Variants in GGNBP2 observed in about 807,000 individuals in gnomAD.
The protein encoded by GGNBP2 is gametogenetin-binding protein 2.
A neutral mutation model predicts 85.9 loss-of-function variants in GGNBP2; 10 were observed. The ratio of observed to expected loss-of-function variants is 0.12; its 90% CI spans 0.07 to 0.20. The LOEUF is 0.20. Ranked by LOEUF, GGNBP2 falls within the 10% of genes least tolerant of loss-of-function variation. GGNBP2 has a pLI of 1.00. For missense variants in GGNBP2, 595 were observed against 857.8 expected, an observed-to-expected ratio of 0.69 and a Z score of 3.83; for synonymous variants, 287 against 285.7, an observed-to-expected ratio of 1.00 and a Z score of -0.05.
intron 12 of GGNBP2, chr17:36,586,546 TA>T: frequency 3.5e-6 from 1 of 286,584 alleles, no homozygotes; most frequent in Non-Finnish European, 6.6e-6. Context: ...GTCTAGTACA[TA>T]GTAAGTGCCT....
chr17:36,577,070 C>T (rs1290437793), intron 6 of GGNBP2: 2 of 152,150 alleles, frequency 1.3e-5, no homozygotes, highest in Non-Finnish European at 1.5e-5. Flanking sequence ...TAGATGAGCT[C>T]ATCTGGGAGA....
chr17:36,581,043 G>A (rs1029134328), intron 8 of GGNBP2, among the ~76,000 whole-genome samples: 3 of 152,306 alleles, frequency 2.0e-5, no homozygotes, highest in South Asian at 2.1e-4. Flanking sequence ...CCAGCACTTC[G>A]GGAGGCTGAG....
At position 36,554,881 on chromosome 17, in the gene GGNBP2, A is replaced by G; in HGVS notation, c.155A>G (p.Gln52Arg). 6.2e-7 allele frequency: 1 copy of G among 1,601,926 alleles called. No homozygotes were observed. Among genetic ancestry groups the G allele is most frequent in the South Asian group, 1.1e-5 (1 of 90,824 alleles). ...NLDGHQNNGAQLKQFIQRHGM... is the reference protein window; with the variant it reads ...NLDGHQNNGARLKQFIQRHGM... ...GATGGACATCAGAATAATGGTGCAC[A>G]GCTAAAGCAGTTCATTCAGGTAATA... Residue 52 changes from glutamine to arginine, a missense_variant, in exon 3 of 14, where the codon CAG (glutamine) becomes CGG (arginine). By Grantham distance (43) the Gln-to-Arg change is conservative. Coordinates refer to ENST00000613102, the MANE Select transcript of GGNBP2 (RefSeq NM_024835.5).
chr17:36,567,926 AGTTCCTTTTTTTTTTTTTGAGAT>A (rs938181505), intron 6 of GGNBP2, 150 bp downstream of exon 6: 1 of 461,264 alleles, frequency 2.2e-6, no homozygotes, highest in Admixed American at 4.2e-5. Context: ...TAGAGTAGGC[AGTTCCTTTTTTTTTTTTTGAGAT>A]GGAGTCTAGC....
Position 36,586,998 on chromosome 17 carries a change from T to C in GGNBP2, c.1643T>C (p.Ile548Thr), listed in dbSNP as rs2074708521. 1 of 1,612,098 alleles carries C rather than the reference T, an allele frequency of 6.2e-7. No individual in the cohort carries two copies. Among genetic ancestry groups the C allele is most frequent in the East Asian group, 2.2e-5 (1 of 44,748 alleles). Residue 548 changes from isoleucine (I) to threonine (T), a missense_variant and splice_region_variant, in exon 13 of 14, where the codon ATC becomes ACC. Coordinates refer to ENST00000613102, the MANE Select transcript of GGNBP2 (RefSeq NM_024835.5). Reference protein sequence around the residue: ...KSKILKCDEHIQKLGSCITDP... With the variant: ...KSKILKCDEHTQKLGSCITDP... ...TGAAATCCTTTGCTGTGGTATCAGA[T>C]CCAGAAGCTTGGAAGCTGTATTACA...
chr17:36,570,455 T>A (rs2074511874), intron 6 of GGNBP2, among the ~76,000 whole-genome samples: 1 of 152,214 alleles, frequency 6.6e-6, no homozygotes, highest in South Asian at 2.1e-4. Context: ...ATCCCAGCAC[T>A]TTGGGAGGCC....
chr17:36,568,148 T>A (rs1001537101), intron 6 of GGNBP2, among the ~76,000 whole-genome samples: 1 of 152,158 alleles, frequency 6.6e-6, no homozygotes, highest in Non-Finnish European at 1.5e-5. Context: ...ATGGTTTAGA[T>A]CTGCTGACCT....
intron 2 of GGNBP2, among the ~76,000 whole-genome samples, chr17:36,552,747 G>A (rs971301869): frequency 2.6e-5 from 4 of 152,146 alleles, no homozygotes; most frequent in Admixed American, 1.3e-4. Flanking sequence ...TGGGTCAGGC[G>A]TGGTGACTCA....
intron 3 of GGNBP2, among the ~76,000 whole-genome samples, chr17:36,555,408 T>G (rs1363632494): frequency 1.3e-5 from 2 of 152,154 alleles, no homozygotes; most frequent in African/African-American, 2.4e-5. Context: ...AATGATATAG[T>G]AAGGGCTAGG....
chr17:36,577,474 AACCCCT>A (rs888455593), intron 6 of GGNBP2: 6 of 153,282 alleles, frequency 3.9e-5, no homozygotes, highest in African/African-American at 1.5e-4. Context: ...TCCCCACCCC[AACCCCT>A]ACCCCTATCC....
intron 1 of GGNBP2, 189 bp from the exon 2 acceptor site, chr17:36,545,430 G>T: frequency 5.3e-6 from 2 of 377,760 alleles, no homozygotes; most frequent in South Asian, 6.8e-5. Context: ...CGGGAGAGAG[G>T]GAGGGAGCGC....
intron 6 of GGNBP2, among the ~76,000 whole-genome samples, chr17:36,574,285 TAAATAA>T (rs893701572): frequency 6.6e-6 from 1 of 152,166 alleles, no homozygotes; most frequent in African/African-American, 2.4e-5. Flanking sequence ...GAAAAAAATA[TAAATAA>T]AAATATGTAT....
rs989040018 is a variant in GGNBP2, at chr17:36,545,350, C to T, written c.-107+253C>T. 6.6e-5 allele frequency among the ~76,000 whole-genome samples: 10 copies of T among 150,556 alleles called. No individual in the cohort carries two copies. The East Asian group carries it at 8.0e-4, about 12-fold the overall frequency. On this transcript the variant is annotated intron_variant, in intron 1 of 13. Transcript: ENST00000613102. ...GGGACTCCTGCAGCGGGCGGGGAAG[C>T]CCCCGGCAGGCCGGTCCCTTCCGCC... is the stretch of plus-strand genomic sequence containing the variant.
At chr17:36,565,704 T>C (rs2074461362) in intron 5 of GGNBP2, among the ~76,000 whole-genome samples, 1 of 152,124 alleles carries the variant, frequency 6.6e-6, no homozygotes, top group African/African-American at 2.4e-5. Context: ...GCGACCAGCC[T>C]GGCCAATATG....
intron 7 of GGNBP2, chr17:36,578,727 G>C (rs1374491402): frequency 6.5e-6 from 1 of 154,966 alleles, no homozygotes; most frequent in African/African-American, 2.4e-5. Context: ...TTTGTATTTA[G>C]GGTATCAACC....
intron 4 of GGNBP2, among the ~76,000 whole-genome samples, chr17:36,559,209 A>G (rs1328822327): frequency 6.7e-6 from 1 of 149,202 alleles, no homozygotes; most frequent in African/African-American, 2.5e-5. Flanking sequence ...TGAGACGGGA[A>G]TCGCTTGAAC....
intron 2 of GGNBP2, chr17:36,546,973 A>G (rs971464788): frequency 2.0e-5 from 3 of 152,210 alleles, no homozygotes; most frequent in African/African-American, 7.2e-5. Flanking sequence ...TTTAAAAAGG[A>G]TTAGAAGAGC....
At chr17:36,562,222 C>T (rs1420600081) in intron 5 of GGNBP2, among the ~76,000 whole-genome samples, 1 of 152,118 alleles carries the variant, frequency 6.6e-6, no homozygotes, top group Non-Finnish European at 1.5e-5. Flanking sequence ...GGCTGGAGTG[C>T]AGTGGTACGA....
intron 2 of GGNBP2, among the ~76,000 whole-genome samples, chr17:36,551,924 A>G (rs1260802875): frequency 6.6e-6 from 1 of 152,206 alleles, no homozygotes; most frequent in Admixed American, 6.5e-5. Context: ...TGATCAGAAT[A>G]TAAATACATA....
Sources: allele counts gnomAD v4.1 joint callset (sites outside exome capture counted in the v4.1 genomes callset), GRCh38; gene constraint gnomAD v4.1.1; transcripts MANE v1.5; gene names NCBI Gene and HGNC (gene_info 2026-07-23, HGNC 2026-07-21).